Variants in AURKA observed in about 807,000 individuals in gnomAD.
AURKA encodes aurora kinase A.
In AURKA, 12 loss-of-function variants were observed where a neutral mutation model predicts 40.9. The observed-to-expected ratio is 0.29, with a 90% CI of 0.19 to 0.48. The LOEUF is 0.48. AURKA is among the 20% of genes least tolerant of loss of function. AURKA has a pLI of 0.99. For synonymous variants in AURKA, 170 were observed against 164.3 expected (o/e 1.03, Z -0.26); for missense variants, 322 against 462.1 (o/e 0.70, Z 2.78).
intron 1 of AURKA, among the ~76,000 whole-genome samples, chr20:56,389,942 A>C (rs1986855973): frequency 6.6e-6 from 1 of 152,086 alleles, no homozygotes; most frequent in African/African-American, 2.4e-5. Context: ...AGTTTTTTCC[A>C]ACAGCCTCCC....
rs1983908036 is a variant in AURKA, at chr20:56,370,100, T to C, written c.*58A>G. 1.3e-6 allele frequency: 2 copies of C among 1,589,782 alleles called. No individual in the cohort carries two copies. Among genetic ancestry groups the C allele is most frequent in the Non-Finnish European group, 1.7e-6 (2 of 1,159,704 alleles). ...AATGGTAAAATAAACTTCAGTAGCATGTTCCTGTCAGGTTATATGGCAGCC... is the reference window on the plus strand; with the variant it reads ...AATGGTAAAATAAACTTCAGTAGCACGTTCCTGTCAGGTTATATGGCAGCC... On this transcript the variant is annotated 3_prime_UTR_variant, in exon 9 of 9. Transcript: ENST00000395915.
chr20:56,382,541 T>C (rs1316249854), intron 5 of AURKA, among the ~76,000 whole-genome samples: 3 of 152,196 alleles, frequency 2.0e-5, no homozygotes, highest in Non-Finnish European at 4.4e-5. Flanking sequence ...AGGGGTGCCA[T>C]TCCCCTTCAC....
chr20:56,391,627 C>G (rs551271355), intron 1 of AURKA, among the ~76,000 whole-genome samples: 1 of 152,040 alleles, frequency 6.6e-6, no homozygotes, highest in African/African-American at 2.4e-5. Flanking sequence ...AAGTACGGAC[C>G]GGGAAGGCCT....
intron 7 of AURKA, among the ~76,000 whole-genome samples, chr20:56,370,978 T>G (rs1220163202): frequency 6.6e-6 from 1 of 152,182 alleles, no homozygotes. Context: ...CGATTTGGAT[T>G]CTACATCTGC....
At chr20:56,376,981 G>C (rs1178129304) in intron 6 of AURKA, among the ~76,000 whole-genome samples, 1 of 152,048 alleles carries the variant, frequency 6.6e-6, no homozygotes, top group Non-Finnish European at 1.5e-5. Context: ...TCAGGAGGCT[G>C]AGGCAGGAGA....
intron 6 of AURKA, among the ~76,000 whole-genome samples, chr20:56,374,675 A>T (rs978245881): frequency 6.6e-6 from 1 of 151,846 alleles, no homozygotes; most frequent in Non-Finnish European, 1.5e-5. Context: ...GCCTCAAGTG[A>T]TCCTCCCATC....
intron 3 of AURKA, among the ~76,000 whole-genome samples, chr20:56,385,059 ACCATCCCTAACT>A (rs1383622028): frequency 1.3e-5 from 2 of 152,172 alleles, no homozygotes; most frequent in African/African-American, 4.8e-5. Flanking sequence ...CAATCTAATC[ACCATCCCTAACT>A]CCTCTTTATT....
At chr20:56,370,457 T>G in intron 8 of AURKA, 28 bp downstream of exon 8, 1 of 1,614,214 alleles carries the variant, frequency 6.2e-7, no homozygotes, top group Non-Finnish European at 8.5e-7. Flanking sequence ...CCAGCAGATG[T>G]GCTGGGTCCT....
At chr20:56,370,710 A>G in intron 7 of AURKA, 51 bp from the exon 8 acceptor site, 1 of 1,595,534 alleles carries the variant, frequency 6.3e-7, no homozygotes, top group Non-Finnish European at 8.6e-7. Context: ...TTATGATCAC[A>G]ACAGCTGCTA....
chr20:56,390,461 C>G (rs926736759), intron 1 of AURKA: 1 of 152,144 alleles, frequency 6.6e-6, no homozygotes, highest in African/African-American at 2.4e-5. Context: ...ACATGCACCA[C>G]CACGCCCAGC....
chr20:56,369,564 G>A lies in AURKA; in HGVS notation c.*594C>T, dbSNP rs1983818871. The A allele has an allele frequency of 4.0e-6, 1 of 250,846 alleles. No homozygotes were observed. The allele number at this position is 250,846 out of a possible 1,614,324, so 15.5% of individuals were successfully genotyped here. Reference sequence around the variant, plus strand: ...CTATTTTTCACACTCTCATATGGGAGATAAGTGGTTAAGGAGGACTAGAAA... The same window carrying A: ...CTATTTTTCACACTCTCATATGGGAAATAAGTGGTTAAGGAGGACTAGAAA... On this transcript the variant is annotated 3_prime_UTR_variant, in exon 9 of 9. Coordinates refer to ENST00000395915, the MANE Select transcript of AURKA (RefSeq NM_198437.3).
At chr20:56,378,147 C>T (rs1306999464) in intron 6 of AURKA, among the ~76,000 whole-genome samples, 2 of 152,096 alleles carry the variant, frequency 1.3e-5, no homozygotes, top group African/African-American at 4.8e-5. Context: ...GACAGTGAGA[C>T]CTTGTCTCAA....
In AURKA at chr20:56,370,074, C is replaced by T. The variant is rs538529879; in HGVS notation, c.*84G>A. On this transcript the variant is annotated 3_prime_UTR_variant, in exon 9 of 9. Coordinates refer to ENST00000395915, the MANE Select transcript of AURKA (RefSeq NM_198437.3). ...AGCGTTCTAGATTGAGGGCAGCAGT[C>T]AATGGTAAAATAAACTTCAGTAGCA... is the stretch of plus-strand genomic sequence containing the variant. The T allele has an allele frequency of 7.2e-6, 11 of 1,525,748 alleles. 1 individual carries two copies. The South Asian group carries it at 1.1e-4, about 16-fold the overall frequency. The allele number at this position is 1,525,748 out of a possible 1,614,324, so 94.5% of individuals were successfully genotyped here. A position where few individuals can be genotyped will look rare whatever the true frequency, so the allele number is the denominator to read the frequency against.
Position 56,386,512 on chromosome 20 carries a change from G to T in AURKA, c.64C>A (p.Pro22Thr), listed in dbSNP as rs1986399154. The change falls in exon 3 of 9, where the codon CCA becomes ACA. Residue 22 changes from proline to threonine, a missense_variant. Coordinates refer to ENST00000395915, the MANE Select transcript of AURKA (RefSeq NM_198437.3). Reference sequence around the variant, plus strand: ...TGCTGAGTCACGAGAACACGTTTTGGACCTCCAACTGGAGCTGTAGCCTAG... The same window carrying T: ...TGCTGAGTCACGAGAACACGTTTTGTACCTCCAACTGGAGCTGTAGCCTAG... ...PVKATAPVGG[P>T]KRVLVTQQFP... is the part of the protein sequence containing the mutation. 1 of 1,614,086 alleles carries T rather than the reference G, an allele frequency of 6.2e-7. No homozygotes were observed. Among genetic ancestry groups the T allele is most frequent in the Non-Finnish European group, 8.5e-7 (1 of 1,180,032 alleles).
intron 7 of AURKA, among the ~76,000 whole-genome samples, chr20:56,371,813 T>C (rs1174653057): frequency 6.6e-6 from 1 of 152,198 alleles, no homozygotes; most frequent in Non-Finnish European, 1.5e-5. Flanking sequence ...TGCTGTTAAT[T>C]TTCTTAGGAG....
In AURKA at chr20:56,373,264, C is replaced by T; in HGVS notation, c.854+144G>A. ...TTGCAAACCCTAGTTTATTATTAAG[C>T]CTAAATTACTCCAAAGTACTTCTGG... On this transcript the variant is annotated intron_variant, in intron 7 of 8. Coordinates refer to ENST00000395915, the MANE Select transcript of AURKA (RefSeq NM_198437.3). The surrounding 1 kb of genome is among the most constrained non-coding windows in gnomAD (Gnocchi z 5.0). The T allele has an allele frequency of 9.2e-7, 1 of 1,083,434 alleles. No individual in the cohort carries two copies. Among genetic ancestry groups the T allele is most frequent in the South Asian group, 1.3e-5 (1 of 75,534 alleles). The allele number at this position is 1,083,434 out of a possible 1,614,324, so 67.1% of individuals were successfully genotyped here.
chr20:56,372,985 G>A (rs1383085881), intron 7 of AURKA, among the ~76,000 whole-genome samples: 1 of 152,176 alleles, frequency 6.6e-6, no homozygotes, highest in Non-Finnish European at 1.5e-5. Context: ...CAAGTTCCCT[G>A]ATATGGCCTG....
At chr20:56,374,850 C>G (rs1385664746) in intron 6 of AURKA, among the ~76,000 whole-genome samples, 1 of 152,168 alleles carries the variant, frequency 6.6e-6, no homozygotes, top group African/African-American at 2.4e-5. Context: ...GAGTTCGAGA[C>G]CGGCCTGACC....
intron 6 of AURKA, among the ~76,000 whole-genome samples, chr20:56,379,089 C>G (rs1209723496): frequency 6.6e-6 from 1 of 152,108 alleles, no homozygotes; most frequent in East Asian, 1.9e-4. Flanking sequence ...AATCTCATTG[C>G]ATTACAAATG....
Sources: allele counts gnomAD v4.1 joint callset (sites outside exome capture counted in the v4.1 genomes callset), GRCh38; gene constraint gnomAD v4.1.1; non-coding constraint Gnocchi (gnomAD v3.1); transcripts MANE v1.5; gene names NCBI Gene and HGNC (gene_info 2026-07-23, HGNC 2026-07-21).